The following NSMCE2 variants were observed in gnomAD, a reference collection of about 807,000 sequenced individuals.
The protein encoded by NSMCE2 is E3 SUMO-protein ligase NSE2.
NSMCE2 carries 24 observed loss-of-function variants against 23.8 expected under a neutral mutation model. The ratio of observed to expected loss-of-function variants is 1.01; its 90% CI spans 0.73 to 1.42. The LOEUF (loss-of-function observed/expected upper bound fraction) is 1.42, where lower values mean the gene tolerates loss of function less well. Ranked by LOEUF, NSMCE2 falls within the 40% of genes most tolerant of loss-of-function variation. The probability of loss-of-function intolerance (pLI) is 0.00; values close to 1 mark genes in which losing one functional copy is unlikely to be tolerated. For missense variants in NSMCE2, 284 were observed against 296.5 expected, an observed-to-expected ratio of 0.96 and a Z score of 0.31; for synonymous variants, 92 against 94.1, an observed-to-expected ratio of 0.98 and a Z score of 0.13.
intron 5 of NSMCE2, among the ~76,000 whole-genome samples, chr8:125,243,207 G>A (rs946364231): frequency 6.6e-6 from 1 of 152,172 alleles, no homozygotes; most frequent in Admixed American, 6.5e-5. Flanking sequence ...AATAATAGTG[G>A]ACGTATATAT....
intron 5 of NSMCE2, among the ~76,000 whole-genome samples, chr8:125,350,074 A>T (rs950017197): frequency 6.6e-6 from 1 of 152,140 alleles, no homozygotes; most frequent in African/African-American, 2.4e-5. Context: ...AACACCTACT[A>T]CCCTATGCCA....
At chr8:125,211,083 C>T (rs1247300992) in intron 5 of NSMCE2, among the ~76,000 whole-genome samples, 4 of 152,080 alleles carry the variant, frequency 2.6e-5, no homozygotes, top group Non-Finnish European at 5.9e-5. Flanking sequence ...CTTCATTAAC[C>T]ACTCCTGCCC....
intron 5 of NSMCE2, among the ~76,000 whole-genome samples, chr8:125,285,739 G>C (rs1013931153): frequency 2.9e-5 from 4 of 135,802 alleles, no homozygotes; most frequent in African/African-American, 1.1e-4. Context: ...AGTATGCTAA[G>C]AATTCTTCAT....
chr8:125,290,790 C>T (rs1192644259), intron 5 of NSMCE2, among the ~76,000 whole-genome samples: 1 of 146,010 alleles, frequency 6.8e-6, no homozygotes, highest in Non-Finnish European at 1.5e-5. Context: ...AGACAGACAA[C>T]TCCTACCACC....
At chr8:125,304,480 A>G (rs978866557) in intron 5 of NSMCE2, among the ~76,000 whole-genome samples, 2 of 152,204 alleles carry the variant, frequency 1.3e-5, no homozygotes, top group African/African-American at 4.8e-5. Flanking sequence ...GACAGCAAGT[A>G]GTTACAATGG....
chr8:125,210,239 G>A (rs977937426), intron 5 of NSMCE2, among the ~76,000 whole-genome samples: 1 of 152,210 alleles, frequency 6.6e-6, no homozygotes, highest in Non-Finnish European at 1.5e-5. Context: ...ATTTGCAACA[G>A]TGTCTTGGCA....
chr8:125,208,650 G>A (rs76304604), intron 5 of NSMCE2, among the ~76,000 whole-genome samples: 2,745 of 152,274 alleles, frequency 0.018, 93 homozygotes, highest in African/African-American at 0.063. Context: ...GAGTGCCAGC[G>A]TAAGTGTTTC....
chr8:125,361,406 CAT>C (rs1277772095), intron 7 of NSMCE2, among the ~76,000 whole-genome samples: 1 of 152,054 alleles, frequency 6.6e-6, no homozygotes, highest in East Asian at 1.9e-4. Flanking sequence ...GAACAGGAAA[CAT>C]ATTTTTAAAA....
At chr8:125,124,199 A>C (rs527238886) in intron 3 of NSMCE2, 11 of 152,316 alleles carry the variant, frequency 7.2e-5, no homozygotes, top group African/African-American at 2.4e-4. Flanking sequence ...TTCAAGGTTC[A>C]TCCATGTTGC....
At chr8:125,096,453 G>A (rs890454446) in intron 1 of NSMCE2, among the ~76,000 whole-genome samples, 1 of 151,506 alleles carries the variant, frequency 6.6e-6, no homozygotes, top group Admixed American at 6.6e-5. Flanking sequence ...TTTTTTCAGT[G>A]TAACCCATTA....
intron 3 of NSMCE2, among the ~76,000 whole-genome samples, chr8:125,118,076 G>T (rs910580608): frequency 2.4e-4 from 37 of 152,136 alleles, no homozygotes; most frequent in African/African-American, 8.7e-4. Context: ...GCCAGGCATG[G>T]AGAAGGGTCA....
intron 3 of NSMCE2, among the ~76,000 whole-genome samples, chr8:125,142,407 G>A (rs13253942): frequency 0.058 from 8,783 of 152,100 alleles, 397 homozygotes; most frequent in South Asian, 0.15. Flanking sequence ...GTATTACATC[G>A]TCTCTCTTCT....
At chr8:125,324,518 C>CAAA (rs71295841) in intron 5 of NSMCE2, among the ~76,000 whole-genome samples, 13 of 49,024 alleles carry the variant, frequency 2.7e-4, no homozygotes, top group East Asian at 1.4e-3. Context: ...GGTGCCAGAC[C>CAAA]AAAAAAAAAA....
intron 1 of NSMCE2, among the ~76,000 whole-genome samples, chr8:125,095,882 CAAAA>C (rs1174381155): frequency 3.0e-5 from 2 of 65,666 alleles, no homozygotes; most frequent in African/African-American, 5.0e-5. Context: ...AACTCCATCT[CAAAA>C]AAAAAAAAAA....
intron 5 of NSMCE2, among the ~76,000 whole-genome samples, chr8:125,343,505 G>A (rs187208922): frequency 1.6e-4 from 24 of 152,218 alleles, no homozygotes; most frequent in Middle Eastern, 3.4e-3. Flanking sequence ...CAGGCGTGTT[G>A]GCACGCACCT....
chr8:125,196,628 T>C (rs554458567), intron 5 of NSMCE2, among the ~76,000 whole-genome samples: 1 of 152,326 alleles, frequency 6.6e-6, no homozygotes, highest in Non-Finnish European at 1.5e-5. Flanking sequence ...TGGTTCCAAG[T>C]CTTTGCTATT....
At chr8:125,326,527 T>C (rs1174628588) in intron 5 of NSMCE2, among the ~76,000 whole-genome samples, 3 of 152,184 alleles carry the variant, frequency 2.0e-5, no homozygotes, top group Non-Finnish European at 4.4e-5. Flanking sequence ...ACAGTGGTTG[T>C]TTCTGAGAAT....
chr8:125,220,364 T>TA (rs1015051783), intron 5 of NSMCE2, among the ~76,000 whole-genome samples: 1 of 151,478 alleles, frequency 6.6e-6, no homozygotes, highest in African/African-American at 2.4e-5. Flanking sequence ...GGAACATGAT[T>TA]AAAAAAAAAT....
intron 5 of NSMCE2, among the ~76,000 whole-genome samples, chr8:125,288,721 G>A (rs147233876): frequency 6.6e-6 from 1 of 152,276 alleles, no homozygotes; most frequent in East Asian, 1.9e-4. Flanking sequence ...TCGAGATACT[G>A]TGTACCTGTG....
Sources: allele counts gnomAD v4.1 joint callset (sites outside exome capture counted in the v4.1 genomes callset), GRCh38; gene constraint gnomAD v4.1.1; transcripts MANE v1.5; gene names NCBI Gene and HGNC (gene_info 2026-07-23, HGNC 2026-07-21).